SRD5A2: variants seen among roughly 807,000 people sequenced by gnomAD.
SRD5A2 encodes the protein 3-oxo-5-alpha-steroid 4-dehydrogenase 2.
In SRD5A2, 30 loss-of-function variants were observed where a neutral mutation model predicts 27.4. The observed-to-expected ratio is 1.10, with a 90% CI of 0.82 to 1.49. The LOEUF (loss-of-function observed/expected upper bound fraction) is 1.49, where lower values mean the gene tolerates loss of function less well. SRD5A2 is among the 40% of genes most tolerant of loss of function. The probability of loss-of-function intolerance (pLI) is 0.00; values close to 1 mark genes in which losing one functional copy is unlikely to be tolerated. For missense variants in SRD5A2, 348 were observed against 323.4 expected (o/e 1.08, Z -0.58); for synonymous variants, 141 against 133.6 (o/e 1.06, Z -0.38).
At chr2:31,649,975 AGATT>A in the SRD5A2 span, among the ~76,000 whole-genome samples, 93,992 of 151,274 alleles carry the variant, frequency 0.62, 29,382 homozygotes, top group Non-Finnish European at 0.64. Context: ...TAGATTGATT[AGATT>A]GATTGATTAG....
the SRD5A2 span, among the ~76,000 whole-genome samples, chr2:31,661,341 A>T: frequency 6.6e-6 from 1 of 152,150 alleles, no homozygotes; most frequent in African/African-American, 2.4e-5. Flanking sequence ...CAGGTGTTCA[A>T]TTTCCACAAG....
At chr2:31,582,074 C>T (rs1667093113), upstream of SRD5A2, among the ~76,000 whole-genome samples, 1 of 151,806 alleles carries the variant, frequency 6.6e-6, no homozygotes. Flanking sequence ...TGCTGTTTAC[C>T]TCATTCTTTC....
the SRD5A2 span, among the ~76,000 whole-genome samples, chr2:31,595,405 C>A: frequency 6.6e-6 from 1 of 152,058 alleles, no homozygotes; most frequent in East Asian, 1.9e-4. Flanking sequence ...TACAAAAGAT[C>A]ATTCAAGGCT....
the SRD5A2 span, among the ~76,000 whole-genome samples, chr2:31,602,262 C>A: frequency 6.6e-6 from 1 of 151,998 alleles, no homozygotes; most frequent in Non-Finnish European, 1.5e-5. Context: ...TTCCTATACA[C>A]CAACAACAGG....
intron 1 of SRD5A2, among the ~76,000 whole-genome samples, chr2:31,559,243 T>A (rs1011004761): frequency 2.0e-5 from 3 of 152,224 alleles, no homozygotes; most frequent in Non-Finnish European, 2.9e-5. Context: ...CAGAATGGAA[T>A]GTTTTCTTGC....
the SRD5A2 span, among the ~76,000 whole-genome samples, chr2:31,654,829 T>C: frequency 6.6e-6 from 1 of 152,176 alleles, no homozygotes; most frequent in Non-Finnish European, 1.5e-5. Context: ...ATTAGAGACA[T>C]GCTAAATCCT....
At chr2:31,620,675 G>A in the SRD5A2 span, among the ~76,000 whole-genome samples, 1 of 151,578 alleles carries the variant, frequency 6.6e-6, no homozygotes, top group Non-Finnish European at 1.5e-5. Context: ...ATTGGCCTTT[G>A]TATTAATATG....
At chr2:31,617,005 T>G in the SRD5A2 span, among the ~76,000 whole-genome samples, 1 of 152,116 alleles carries the variant, frequency 6.6e-6, no homozygotes, top group South Asian at 2.1e-4. Flanking sequence ...TCTTATGAGA[T>G]CGGATGATGG....
chr2:31,655,508 G>A, the SRD5A2 span, among the ~76,000 whole-genome samples: 1 of 152,298 alleles, frequency 6.6e-6, no homozygotes, highest in Non-Finnish European at 1.5e-5. Flanking sequence ...GTTTCCACCA[G>A]TATTTTGCAT....
At chr2:31,639,057 T>A in the SRD5A2 span, among the ~76,000 whole-genome samples, 1 of 152,086 alleles carries the variant, frequency 6.6e-6, no homozygotes, top group Non-Finnish European at 1.5e-5. Context: ...TGTTCCTTTT[T>A]ATTTTTGTGA....
the SRD5A2 span, among the ~76,000 whole-genome samples, chr2:31,633,197 T>C: frequency 1.6e-4 from 24 of 152,238 alleles, no homozygotes; most frequent in African/African-American, 5.5e-4. Flanking sequence ...ATAAATTGAA[T>C]GGGGAGCCTC....
chr2:31,627,554 G>T, the SRD5A2 span, among the ~76,000 whole-genome samples: 1 of 151,994 alleles, frequency 6.6e-6, no homozygotes, highest in African/African-American at 2.4e-5. Context: ...CTCTAGTTGT[G>T]ATGTTGGTTT....
the SRD5A2 span, among the ~76,000 whole-genome samples, chr2:31,623,661 G>A: frequency 1.3e-5 from 2 of 152,174 alleles, no homozygotes; most frequent in South Asian, 2.1e-4. Flanking sequence ...TGGTGAGTGA[G>A]GGCCTCCTTG....
At chr2:31,592,187 C>A in the SRD5A2 span, among the ~76,000 whole-genome samples, 2 of 151,910 alleles carry the variant, frequency 1.3e-5, no homozygotes, top group East Asian at 1.9e-4. Flanking sequence ...TATCTCCCTT[C>A]TACTACCGCA....
chr2:31,644,434 A>G, the SRD5A2 span, among the ~76,000 whole-genome samples: 1 of 152,178 alleles, frequency 6.6e-6, no homozygotes, highest in African/African-American at 2.4e-5. Context: ...GACCTATTTC[A>G]TGGAAGACAA....
intron 1 of SRD5A2, among the ~76,000 whole-genome samples, chr2:31,536,667 TG>T (rs1483823986): frequency 3.9e-5 from 6 of 152,240 alleles, no homozygotes; most frequent in African/African-American, 1.4e-4. Flanking sequence ...TGAATAACTT[TG>T]CTATTGGAAA....
chr2:31,622,646 G>A, the SRD5A2 span, among the ~76,000 whole-genome samples: 1 of 152,078 alleles, frequency 6.6e-6, no homozygotes, highest in Non-Finnish European at 1.5e-5. Flanking sequence ...AATTTGCTGA[G>A]CATACTTCTC....
chr2:31,660,685 T>C, the SRD5A2 span, among the ~76,000 whole-genome samples: 1 of 152,114 alleles, frequency 6.6e-6, no homozygotes, highest in African/African-American at 2.4e-5. Context: ...AATCTAAAAC[T>C]ACTATAAAAA....
intron 1 of SRD5A2, among the ~76,000 whole-genome samples, chr2:31,539,603 T>C (rs891097377): frequency 6.6e-6 from 1 of 152,156 alleles, no homozygotes; most frequent in Non-Finnish European, 1.5e-5. Context: ...ACAGTGTTAG[T>C]AGAGACAACA....
Sources: gnomAD v4.1 joint callset for allele counts (sites outside exome capture counted in the v4.1 genomes callset) on GRCh38, gnomAD v4.1.1 for gene constraint, MANE v1.5 for transcripts, NCBI Gene and HGNC (gene_info 2026-07-23, HGNC 2026-07-21) for gene names.